Variants in AADACL3 observed in about 807,000 individuals in gnomAD.
AADACL3 encodes the protein arylacetamide deacetylase like 3, also known as arylacetamide deacetylase-like 3.
A neutral mutation model predicts 13.6 loss-of-function variants in AADACL3; 13 were observed. That is an observed-to-expected ratio of 0.95 (90% CI 0.62 to 1.52). AADACL3 has a LOEUF of 1.52. AADACL3 is among the 40% of genes most tolerant of loss of function. AADACL3 has a pLI of 0.00. For synonymous variants in AADACL3, 195 were observed against 197.0 expected (o/e 0.99, Z 0.08); for missense variants, 519 against 499.2 (o/e 1.04, Z -0.38).
In AADACL3 at chr1:12,728,471, G is replaced by A. The variant is rs1007881191; in HGVS notation, c.*2475G>A. On this transcript the variant is annotated 3_prime_UTR_variant, in exon 4 of 4. Transcript: ENST00000359318. Reference sequence around the variant, plus strand: ...TACCTTAATTTAAAAATACCTTGTTGCTGAAAAATGCTAACAATCATCTGA... The same window carrying A: ...TACCTTAATTTAAAAATACCTTGTTACTGAAAAATGCTAACAATCATCTGA... 2.0e-5 allele frequency: 3 copies of A among 152,334 alleles called. No homozygotes were observed. The South Asian group carries it at 6.2e-4, about 32-fold the overall frequency. 9.4% of individuals were successfully genotyped at this position (152,334 alleles called of 1,614,324 possible). A position where few individuals can be genotyped will look rare whatever the true frequency, so the allele number is the denominator to read the frequency against.
chr1:12,719,017 TC>T (rs1295813624), intron 1 of AADACL3, among the ~76,000 whole-genome samples: 1 of 152,168 alleles, frequency 6.6e-6, no homozygotes, highest in Non-Finnish European at 1.5e-5. Flanking sequence ...AGATATGAAC[TC>T]CCCCTTCCTG....
Position 12,728,249 on chromosome 1 carries a change from C to G in AADACL3, c.*2253C>G, listed in dbSNP as rs193089509. The G allele has an allele frequency of 1.3e-5, 2 of 152,198 alleles. No homozygotes were observed. Among genetic ancestry groups the G allele is most frequent in the African/African-American group, 4.8e-5 (2 of 41,440 alleles). 9.4% of individuals were successfully genotyped at this position (152,198 alleles called of 1,614,324 possible). A position where few individuals can be genotyped will look rare whatever the true frequency, so the allele number is the denominator to read the frequency against. On this transcript the variant is annotated 3_prime_UTR_variant, in exon 4 of 4. Coordinates refer to ENST00000359318, the MANE Select transcript of AADACL3 (RefSeq NM_001103170.3). ...GTACTGGACCATTTAAATTTGCCAC[C>G]TCTTATGTTCCTCACATTAATCTTA...
chr1:12,720,090 AAC>A (rs1648538255), intron 2 of AADACL3, among the ~76,000 whole-genome samples: 1 of 152,202 alleles, frequency 6.6e-6, no homozygotes, highest in Non-Finnish European at 1.5e-5. Flanking sequence ...AAAGAATTAA[AAC>A]ACAGCATTTT....
At chr1:12,725,172 T>C (rs1638338750) in intron 3 of AADACL3, 50 bp from the exon 4 acceptor site, 2 of 1,520,026 alleles carry the variant, frequency 1.3e-6, no homozygotes, top group Non-Finnish European at 1.8e-6. Flanking sequence ...GACGCTGATA[T>C]TTTGGATCTG....
rs1416516320 is a variant in AADACL3, at chr1:12,728,561, G to A, written c.*2565G>A. On this transcript the variant is annotated 3_prime_UTR_variant, in exon 4 of 4. Coordinates refer to ENST00000359318, the MANE Select transcript of AADACL3 (RefSeq NM_001103170.3). ...TGTGGGGTTTGCACATTCTGCCCAT[G>A]TCTGCGTGGGTTTTCTCTGAGTTCT... is the stretch of plus-strand genomic sequence containing the variant. 1 of 152,268 alleles carries A rather than the reference G, an allele frequency of 6.6e-6. No homozygotes were observed. The highest frequency in any genetic ancestry group is 1.5e-5 in the Non-Finnish European group (1 of 68,040). The allele number at this position is 152,268 out of a possible 1,614,324, so 9.4% of individuals were successfully genotyped here.
rs4561052 is a variant in AADACL3 at position 12,725,231 on chromosome 1, G to A, written c.459G>A (p.Lys153=). 9.4e-4 allele frequency: 1,497 copies of A among 1,598,820 alleles called. 9 individuals carry two copies. In the African/African-American group the frequency reaches 0.015, roughly 16 times the overall value. ...CTTGATTCCTTTTTAGTTACCGCAA[G>A]TTACCTAAGCATAAGTTTCCAGTGC... ...DSVVLAVGYR[K]LPKHKFPVPV... The change falls in exon 4 of 4, where the codon AAG becomes AAA. Residue 153 remains lysine, a synonymous_variant. Transcript: ENST00000359318.
rs746686789 is a variant in AADACL3 at position 12,720,987 on chromosome 1, G to A, written c.449+41G>A. On this transcript the variant is annotated intron_variant, in intron 3 of 3. Coordinates refer to ENST00000359318, the MANE Select transcript of AADACL3 (RefSeq NM_001103170.3). Reference sequence around the variant, plus strand: ...ATCCCAGGGAGCCAGCAAGGAGCAAGGCTCTGATGTGGAGAGATGGGGTGA... The same window carrying A: ...ATCCCAGGGAGCCAGCAAGGAGCAAAGCTCTGATGTGGAGAGATGGGGTGA... 23 of 1,379,746 alleles carry A rather than the reference G, an allele frequency of 1.7e-5. No individual in the cohort carries two copies. The East Asian group carries it at 4.4e-4, about 26-fold the overall frequency. The allele number at this position is 1,379,746 out of a possible 1,614,324, so 85.5% of individuals were successfully genotyped here.
chr1:12,726,099 G>T lies in AADACL3; in HGVS notation c.*103G>T. ...TTAGGTGGTGCATAGTGGGGCTAGG[G>T]AGGGGGTAGAGGTTGCTGTCACCTT... On this transcript the variant is annotated 3_prime_UTR_variant, in exon 4 of 4. Coordinates refer to ENST00000359318, the MANE Select transcript of AADACL3 (RefSeq NM_001103170.3). 1 of 1,324,374 alleles carries T rather than the reference G, an allele frequency of 7.6e-7. No individual in the cohort carries two copies. Among genetic ancestry groups the T allele is most frequent in the Non-Finnish European group, 1.0e-6 (1 of 978,514 alleles). 82.0% of individuals were successfully genotyped at this position (1,324,374 alleles called of 1,614,324 possible).
intron 3 of AADACL3, among the ~76,000 whole-genome samples, chr1:12,724,527 C>T (rs1343342968): frequency 6.6e-6 from 1 of 152,028 alleles, no homozygotes; most frequent in African/African-American, 2.4e-5. Flanking sequence ...CTCTGTCACC[C>T]AGGCTGGAGT....
Position 12,725,525 on chromosome 1 carries a change from CT to C in AADACL3, c.762del (p.Gln255LysfsTer14), listed in dbSNP as rs746497630. On this transcript the variant is annotated frameshift_variant, in exon 4 of 4. Transcript: ENST00000359318. LOFTEE classifies it low-confidence loss of function (END_TRUNC). ...PLLTWSFICY[F>X]FFQNLDFSSS... ...TGCTCACCTGGAGTTTCATCTGCTA[CT>C]TTTTTTTTCAAAACCTGGATTTCAG... The C allele has an allele frequency of 3.7e-6, 6 of 1,612,944 alleles. No individual in the cohort carries two copies. The highest frequency in any genetic ancestry group is 1.7e-4 in the Middle Eastern group (1 of 6,054).
chr1:12,723,007 T>G (rs1401181211), intron 3 of AADACL3, among the ~76,000 whole-genome samples: 2 of 152,142 alleles, frequency 1.3e-5, no homozygotes, highest in African/African-American at 4.8e-5. Flanking sequence ...TTTAAAAATT[T>G]TTTAAAAATT....
chr1:12,723,120 C>T (rs1638300811), intron 3 of AADACL3, among the ~76,000 whole-genome samples: 1 of 152,082 alleles, frequency 6.6e-6, no homozygotes, highest in South Asian at 2.1e-4. Context: ...AATCCTTCTT[C>T]CTCAGCTTCT....
chr1:12,721,611 C>A (rs1454785089), intron 3 of AADACL3, among the ~76,000 whole-genome samples: 2 of 152,142 alleles, frequency 1.3e-5, no homozygotes, highest in East Asian at 3.9e-4. Context: ...ACTTGGACAA[C>A]ATAGCTCTTC....
chr1:12,723,364 G>A (rs530616778), intron 3 of AADACL3, among the ~76,000 whole-genome samples: 1 of 152,122 alleles, frequency 6.6e-6, no homozygotes, highest in Non-Finnish European at 1.5e-5. Context: ...AAATTGTCAG[G>A]AGTACCTCTG....
intron 1 of AADACL3, among the ~76,000 whole-genome samples, chr1:12,717,537 T>C (rs1365763120): frequency 6.6e-6 from 1 of 152,328 alleles, no homozygotes; most frequent in East Asian, 1.9e-4. Flanking sequence ...AGATGTGTTA[T>C]GCAACTGCTG....
intron 2 of AADACL3, among the ~76,000 whole-genome samples, chr1:12,720,591 A>C (rs1638227914): frequency 6.6e-6 from 1 of 151,962 alleles, no homozygotes; most frequent in Admixed American, 6.6e-5. Flanking sequence ...TGAGATTTGA[A>C]CTCCAGTCTG....
At position 12,725,788 on chromosome 1, in the gene AADACL3, C is replaced by T; in HGVS notation, c.1016C>T (p.Thr339Ile). The T allele has an allele frequency of 6.2e-7, 1 of 1,614,166 alleles. No homozygotes were observed. The highest frequency in any genetic ancestry group is 8.5e-7 in the Non-Finnish European group (1 of 1,180,032). ...GACATAGTGTCTCAGCTCCCGGAAA[C>T]CTGCATCGTGAGCTGTGAGTATGAT... ...EDDIVSQLPE[T>I]CIVSCEYDAL... is the part of the protein sequence containing the mutation. Residue 339 changes from threonine to isoleucine, a missense_variant, in exon 4 of 4, where the codon ACC becomes ATC. Thr to Ile is a moderately conservative substitution (Grantham distance 89, BLOSUM62 -1). Transcript: ENST00000359318.
At position 12,720,897 on chromosome 1, in the gene AADACL3, A is replaced by G. The variant is rs772756914; in HGVS notation, c.400A>G (p.Ile134Val). ...VMGSLKTHHG[I>V]CSRLCKESDS... ...TTATTTTCTAGAAACCCACCATGGC[A>G]TATGCTCTCGTTTGTGCAAGGAGAG... is the stretch of plus-strand genomic sequence containing the variant. Residue 134 changes from isoleucine (I) to valine (V), a missense_variant, in exon 3 of 4, where the codon ATA becomes GTA. Coordinates refer to ENST00000359318, the MANE Select transcript of AADACL3 (RefSeq NM_001103170.3). 1.2e-6 allele frequency: 2 copies of G among 1,610,534 alleles called. No individual in the cohort carries two copies. The highest frequency in any genetic ancestry group is 1.3e-5 in the African/African-American group (1 of 74,896).
chr1:12,721,052 A>T, intron 3 of AADACL3, 106 bp downstream of exon 3: 1 of 509,232 alleles, frequency 2.0e-6, no homozygotes, highest in East Asian at 5.2e-5. Context: ...ATGGGAGCAG[A>T]TGGGAGCTGG....
Sources: gnomAD v4.1 joint callset for allele counts (sites outside exome capture counted in the v4.1 genomes callset) on GRCh38, gnomAD v4.1.1 for gene constraint, MANE v1.5 for transcripts, NCBI Gene and HGNC (gene_info 2026-07-23, HGNC 2026-07-21) for gene names.